The following NETO1 variants were observed in gnomAD, a reference collection of about 807,000 sequenced individuals.
NETO1 encodes the protein neuropilin and tolloid-like protein 1.
In NETO1, 26 loss-of-function variants were observed where a neutral mutation model predicts 61.3. The observed-to-expected ratio is 0.42, with a 90% CI of 0.31 to 0.59. NETO1 has a LOEUF of 0.59. Ranked by LOEUF, NETO1 falls within the 20% of genes least tolerant of loss-of-function variation. The probability of loss-of-function intolerance (pLI) is 0.12; values close to 1 mark genes in which losing one functional copy is unlikely to be tolerated. For missense variants in NETO1, 531 were observed against 662.8 expected (o/e 0.80, Z 2.18); for synonymous variants, 225 against 225.8 (o/e 1.00, Z 0.03).
At position 72,745,892 on chromosome 18, in the gene NETO1, T is replaced by A. The variant is rs796945876; in HGVS notation, c.*2287A>T. On this transcript the variant is annotated 3_prime_UTR_variant, in exon 11 of 11. Coordinates refer to ENST00000327305, the MANE Select transcript of NETO1 (RefSeq NM_138966.5). Reference sequence around the variant, plus strand: ...TGTACATTGTTGAGAAATTTTAGAGTTATCACTGAGGAGGCCTGTTCTTCA... The same window carrying A: ...TGTACATTGTTGAGAAATTTTAGAGATATCACTGAGGAGGCCTGTTCTTCA... The A allele has an allele frequency of 6.6e-6, 1 of 152,304 alleles. No individual in the cohort carries two copies. Among genetic ancestry groups the A allele is most frequent in the African/African-American group, 2.4e-5 (1 of 41,568 alleles). The allele number at this position is 152,304 out of a possible 1,614,324, so 9.4% of individuals were successfully genotyped here.
rs901682467 is a variant in NETO1, at chr18:72,746,021, A to G, written c.*2158T>C. The G allele has an allele frequency of 5.3e-5, 8 of 152,074 alleles. No individual in the cohort carries two copies. The highest frequency in any genetic ancestry group is 7.2e-5 in the African/African-American group (3 of 41,390). The allele number at this position is 152,074 out of a possible 1,614,324, so 9.4% of individuals were successfully genotyped here. A position where few individuals can be genotyped will look rare whatever the true frequency, so the allele number is the denominator to read the frequency against. On this transcript the variant is annotated 3_prime_UTR_variant, in exon 11 of 11. Transcript: ENST00000327305. Reference sequence around the variant, plus strand: ...ATTTAGTGTTTTTTTTTAAAGTCCCATTGGTAGATTTCTGGTGAAAATACC... The same window carrying G: ...ATTTAGTGTTTTTTTTTAAAGTCCCGTTGGTAGATTTCTGGTGAAAATACC...
Position 72,867,886 on chromosome 18 carries a change from C to A in NETO1, c.-595G>T. ...CGGGAGGATGTCCAGCGGCAGCGCTCCTCGCTCCAGCCCTTGGGGATCTTC... is the reference window on the plus strand; with the variant it reads ...CGGGAGGATGTCCAGCGGCAGCGCTACTCGCTCCAGCCCTTGGGGATCTTC... On this transcript the variant is annotated 5_prime_UTR_variant, in exon 1 of 11. An upstream open reading frame in the 5' UTR gains an earlier in-frame stop. Transcript: ENST00000327305. 6.6e-6 allele frequency: 1 copy of A among 152,572 alleles called. No homozygotes were observed. The highest frequency in any genetic ancestry group is 1.8e-4 in the South Asian group (1 of 5,600). The allele number at this position is 152,572 out of a possible 1,614,324, so 9.5% of individuals were successfully genotyped here. A position where few individuals can be genotyped will look rare whatever the true frequency, so the allele number is the denominator to read the frequency against.
chr18:72,823,987 CT>C (rs2073294194), intron 4 of NETO1, among the ~76,000 whole-genome samples: 1 of 152,166 alleles, frequency 6.6e-6, no homozygotes, highest in Non-Finnish European at 1.5e-5. Context: ...AAAGAAGTGA[CT>C]TGGCCTGACT....
rs181949131 is a variant in NETO1 at position 72,864,443 on chromosome 18, T to C, written c.220+365A>G. The stretch of plus-strand genomic sequence containing the variant: ...CTAAAGAAATGTAACATGCAAGTTA[T>C]TCTACTAATTGTTGAGCTAAAAAAA... On this transcript the variant is annotated intron_variant, in intron 3 of 10. Transcript: ENST00000327305. Among the ~76,000 whole-genome samples the C allele has an allele frequency of 7.3e-4, 111 of 152,326 alleles. 1 individual carries two copies. Among genetic ancestry groups the C allele is most frequent in the Non-Finnish European group, 7.3e-5 (5 of 68,044 alleles).
intron 8 of NETO1, among the ~76,000 whole-genome samples, chr18:72,753,699 A>C (rs115389677): frequency 3.1e-4 from 47 of 152,334 alleles, no homozygotes; most frequent in African/African-American, 1.1e-3. Flanking sequence ...TTTCTTCTGC[A>C]GTCTTCACTT....
At chr18:72,795,345 G>A (rs981778863) in intron 4 of NETO1, among the ~76,000 whole-genome samples, 8 of 152,148 alleles carry the variant, frequency 5.3e-5, no homozygotes, top group African/African-American at 1.9e-4. Context: ...GTGGAATCAT[G>A]CGTTAGCCAA....
chr18:72,821,722 G>T (rs7233147), intron 4 of NETO1, among the ~76,000 whole-genome samples: 1 of 151,890 alleles, frequency 6.6e-6, no homozygotes, highest in Non-Finnish European at 1.5e-5. Flanking sequence ...GTTGAAGAAC[G>T]TGAGACGTTG....
intron 7 of NETO1, among the ~76,000 whole-genome samples, chr18:72,758,494 T>C (rs1430947126): frequency 6.6e-6 from 1 of 151,838 alleles, no homozygotes; most frequent in Non-Finnish European, 1.5e-5. Flanking sequence ...AAAGAATTGC[T>C]GTGCAAATGA....
chr18:72,805,270 A>C (rs1346524284), intron 4 of NETO1, among the ~76,000 whole-genome samples: 1 of 152,182 alleles, frequency 6.6e-6, no homozygotes, highest in African/African-American at 2.4e-5. Flanking sequence ...TATAATCTTC[A>C]AGAATTTTCC....
intron 7 of NETO1, among the ~76,000 whole-genome samples, chr18:72,765,109 A>G (rs7244064): frequency 0.32 from 48,708 of 151,774 alleles, 8,496 homozygotes; most frequent in South Asian, 0.41. Context: ...TAATTTCCAA[A>G]CTCCTTGTAC....
chr18:72,783,657 G>T, intron 7 of NETO1, 21 bp downstream of exon 7: 1 of 1,606,372 alleles, frequency 6.2e-7, no homozygotes, highest in African/African-American at 1.3e-5. Context: ...AGGAAAAATA[G>T]TCAAGTGCAG....
At chr18:72,764,197 T>C (rs2071076482) in intron 7 of NETO1, among the ~76,000 whole-genome samples, 1 of 152,122 alleles carries the variant, frequency 6.6e-6, no homozygotes, top group South Asian at 2.1e-4. Context: ...ATTTCTTGGG[T>C]TCAACTTTTA....
downstream of NETO1, among the ~76,000 whole-genome samples, chr18:72,743,271 G>C (rs2070369355): frequency 6.6e-6 from 1 of 152,034 alleles, no homozygotes; most frequent in East Asian, 1.9e-4. Context: ...GCCTACATCT[G>C]CTTTAATTAC....
chr18:72,865,770 A>C, intron 1 of NETO1: 2 of 1,345,420 alleles, frequency 1.5e-6, no homozygotes, highest in Non-Finnish European at 2.0e-6. Flanking sequence ...AAACAGATTA[A>C]TGTGGATTGT....
intron 7 of NETO1, among the ~76,000 whole-genome samples, chr18:72,758,948 T>A (rs2070878873): frequency 6.6e-6 from 1 of 152,172 alleles, no homozygotes; most frequent in Non-Finnish European, 1.5e-5. Flanking sequence ...AGTATAATAT[T>A]ATATTGGGTT....
In NETO1 at chr18:72,750,182, T is replaced by C. The variant is rs1448441234; in HGVS notation, c.1421A>G (p.Asn474Ser). ...KPLIPPMNRR[N>S]ILVMKHSYSQ... ...GTAGCTGTGTTTCATGACAAGGATA[T>C]TTCTTCTGTTCATGGGTGGGATGAG... is the stretch of plus-strand genomic sequence containing the variant. Residue 474 changes from asparagine (N) to serine (S), a missense_variant, in exon 9 of 11, where the codon AAT becomes AGT. Transcript: ENST00000327305. 6 of 1,614,082 alleles carry C rather than the reference T, an allele frequency of 3.7e-6. No homozygotes were observed. The highest frequency in any genetic ancestry group is 2.2e-5 in the South Asian group (2 of 91,080).
intron 4 of NETO1, among the ~76,000 whole-genome samples, chr18:72,844,256 A>T (rs2145508205): frequency 6.6e-6 from 1 of 152,288 alleles, no homozygotes; most frequent in Middle Eastern, 3.4e-3. Context: ...CTTTCACTAC[A>T]TTGTCACAGA....
At chr18:72,779,290 TA>T (rs1323273698) in intron 7 of NETO1, among the ~76,000 whole-genome samples, 2 of 150,976 alleles carry the variant, frequency 1.3e-5, no homozygotes, top group African/African-American at 4.9e-5. Flanking sequence ...ATTAAATGTA[TA>T]ATTATATATT....
At chr18:72,743,010 T>C (rs956348906), downstream of NETO1, among the ~76,000 whole-genome samples, 3 of 152,182 alleles carry the variant, frequency 2.0e-5, no homozygotes, top group African/African-American at 7.2e-5. Flanking sequence ...TCTACACTGT[T>C]TTGATTCTAC....
Sources: gnomAD v4.1 joint callset for allele counts (sites outside exome capture counted in the v4.1 genomes callset) on GRCh38, gnomAD v4.1.1 for gene constraint, MANE v1.5 for transcripts, NCBI Gene and HGNC (gene_info 2026-07-23, HGNC 2026-07-21) for gene names.